DAB2IP: variants seen among roughly 807,000 people sequenced by gnomAD.
DAB2IP encodes the protein DAB2 interacting protein, also known as disabled homolog 2-interacting protein.
DAB2IP carries 28 observed loss-of-function variants against 107.2 expected under a neutral mutation model. The ratio of observed to expected loss-of-function variants is 0.26; its 90% CI spans 0.19 to 0.36. The LOEUF is 0.36. DAB2IP is among the 10% of genes least tolerant of loss of function. The pLI is 1.00. For synonymous variants in DAB2IP, 755 were observed against 706.4 expected (o/e 1.07, Z -1.09); for missense variants, 1,400 against 1,644.7 (o/e 0.85, Z 2.57).
intron 1 of DAB2IP, among the ~76,000 whole-genome samples, chr9:121,674,715 G>A (rs1833820092): frequency 6.6e-6 from 1 of 152,128 alleles, no homozygotes. Flanking sequence ...TCCTGGCCCA[G>A]ACCCAGGAGG....
intron 3 of DAB2IP, chr9:121,751,849 C>A: frequency 1.1e-6 from 1 of 880,598 alleles, no homozygotes; most frequent in Non-Finnish European, 1.4e-6. Flanking sequence ...CATGCCCTGG[C>A]CAAGCTCCTC....
At chr9:121,685,055 C>T (rs527849095) in intron 2 of DAB2IP, among the ~76,000 whole-genome samples, 35 of 152,290 alleles carry the variant, frequency 2.3e-4, no homozygotes, top group African/African-American at 8.4e-4. Context: ...CTTAGTTCTG[C>T]TCTGTGAGTC....
intron 6 of DAB2IP, among the ~76,000 whole-genome samples, chr9:121,762,323 C>A (rs749815034): frequency 3.3e-5 from 5 of 152,162 alleles, no homozygotes; most frequent in African/African-American, 1.2e-4. Flanking sequence ...GCTCTCATTG[C>A]GGGAGTTCAG....
At chr9:121,617,926 C>T (rs1831336008) in intron 1 of DAB2IP, among the ~76,000 whole-genome samples, 1 of 152,206 alleles carries the variant, frequency 6.6e-6, no homozygotes, top group Non-Finnish European at 1.5e-5. Flanking sequence ...TTTTCAACTC[C>T]ATGGCTGGTT....
Position 121,772,221 on chromosome 9 carries a change from G to C in DAB2IP, c.2079-386G>C, listed in dbSNP as rs891268818. Among the ~76,000 whole-genome samples, 42 of 152,214 alleles carry C rather than the reference G, an allele frequency of 2.8e-4. 1 individual carries two copies. The highest frequency in any genetic ancestry group is 5.7e-4 in the Non-Finnish European group (39 of 68,026). ...GGAACCCAGTGACTCTGAAGTTGGGGTTCTCAATGCAGGATCCGTGGATAG... is the reference window on the plus strand; with the variant it reads ...GGAACCCAGTGACTCTGAAGTTGGGCTTCTCAATGCAGGATCCGTGGATAG... On this transcript the variant is annotated intron_variant, in intron 11 of 15. Transcript: ENST00000408936. This position sits in a 1 kb window ranked among gnomAD's most constrained non-coding sequence, Gnocchi z 4.7.
intron 1 of DAB2IP, among the ~76,000 whole-genome samples, chr9:121,646,166 G>T (rs942382053): frequency 6.6e-6 from 1 of 152,190 alleles, no homozygotes; most frequent in Non-Finnish European, 1.5e-5. Flanking sequence ...CAAGCCTGGG[G>T]TCATCTTGTC....
chr9:121,740,140 G>A (rs568629189), intron 3 of DAB2IP, among the ~76,000 whole-genome samples: 2 of 152,302 alleles, frequency 1.3e-5, no homozygotes, highest in Non-Finnish European at 2.9e-5. Flanking sequence ...GGCCCAGGAT[G>A]TTGAGGAGGG....
Position 121,684,907 on chromosome 9 carries a change from A to G in DAB2IP, c.228+6126A>G, listed in dbSNP as rs1828788166. Reference sequence around the variant, plus strand: ...TCAGATGGTCGTTCACTTGGGACATATTTATGTTTGTGGCCCATCAACCAG... The same window carrying G: ...TCAGATGGTCGTTCACTTGGGACATGTTTATGTTTGTGGCCCATCAACCAG... On this transcript the variant is annotated intron_variant, in intron 2 of 15. Coordinates refer to ENST00000408936, the Ensembl canonical transcript of DAB2IP. This position sits in a 1 kb window ranked among gnomAD's most constrained non-coding sequence, Gnocchi z 4.0. Among the ~76,000 whole-genome samples, 1 of 152,084 alleles carries G rather than the reference A, an allele frequency of 6.6e-6. No homozygotes were observed. The highest frequency in any genetic ancestry group is 6.5e-5 in the Admixed American group (1 of 15,278).
upstream of DAB2IP, among the ~76,000 whole-genome samples, chr9:121,647,870 T>G (rs1213138873): frequency 6.7e-6 from 1 of 149,828 alleles, no homozygotes. Context: ...ATACGTATTA[T>G]ATATATATAC....
rs1430789670 is a variant in DAB2IP at position 121,599,457 on chromosome 9, C to G, written c.40+32229C>G. The stretch of plus-strand genomic sequence containing the variant: ...TCCCCGCCCGCGCTGGGTCCCGGGC[C>G]TGGCGGGCGGAGCTGTGGGCGGCTG... On this transcript the variant is annotated intron_variant, in intron 1 of 16. Transcript: ENST00000259371. The surrounding 1 kb of genome is among the most constrained non-coding windows in gnomAD (Gnocchi z 6.9). Among the ~76,000 whole-genome samples the G allele has an allele frequency of 3.3e-5, 5 of 152,048 alleles. No individual in the cohort carries two copies. Among genetic ancestry groups the G allele is most frequent in the African/African-American group, 1.2e-4 (5 of 41,426 alleles).
chr9:121,646,142 G>C (rs574630105), intron 1 of DAB2IP, among the ~76,000 whole-genome samples: 2 of 152,284 alleles, frequency 1.3e-5, no homozygotes, highest in East Asian at 3.9e-4. Flanking sequence ...TGTGTTGAGA[G>C]GGGCAGAGCC....
intron 1 of DAB2IP, among the ~76,000 whole-genome samples, chr9:121,667,512 CA>C (rs1250006303): frequency 6.6e-6 from 1 of 151,708 alleles, no homozygotes; most frequent in East Asian, 2.0e-4. Context: ...TTTTTTTAGA[CA>C]GAGTTTCACT....
At chr9:121,674,981 T>C (rs1226118486) in intron 1 of DAB2IP, among the ~76,000 whole-genome samples, 1 of 151,972 alleles carries the variant, frequency 6.6e-6, no homozygotes, top group Non-Finnish European at 1.5e-5. Context: ...AAGACCCCTG[T>C]GGGGCAGCCT....
intron 1 of DAB2IP, among the ~76,000 whole-genome samples, chr9:121,576,764 G>A (rs1464148453): frequency 6.6e-6 from 1 of 152,094 alleles, no homozygotes; most frequent in Non-Finnish European, 1.5e-5. Context: ...TGGGGGGGGA[G>A]GGGAAACGAT....
chr9:121,728,381 A>G (rs1224795358), intron 3 of DAB2IP, among the ~76,000 whole-genome samples: 1 of 152,344 alleles, frequency 6.6e-6, no homozygotes, highest in East Asian at 1.9e-4. Flanking sequence ...AGCAGACCCC[A>G]GAGGGAGGAG....
At chr9:121,649,599 G>A (rs1330516474), upstream of DAB2IP, among the ~76,000 whole-genome samples, 3 of 152,162 alleles carry the variant, frequency 2.0e-5, no homozygotes, top group Non-Finnish European at 4.4e-5. Flanking sequence ...CGTTGCCCCC[G>A]TCCTGAGTAG....
At chr9:121,578,131 G>A (rs1173644440) in intron 1 of DAB2IP, among the ~76,000 whole-genome samples, 1 of 152,074 alleles carries the variant, frequency 6.6e-6, no homozygotes, top group Non-Finnish European at 1.5e-5. Flanking sequence ...AGGGGTGGCT[G>A]TCCCCCAAAC....
chr9:121,699,276 G>T lies in DAB2IP; in HGVS notation c.229-49G>T. 7.9e-7 allele frequency: 1 copy of T among 1,267,374 alleles called. No individual in the cohort carries two copies. The highest frequency in any genetic ancestry group is 1.7e-5 in the South Asian group (1 of 58,536). 78.5% of individuals were successfully genotyped at this position (1,267,374 alleles called of 1,614,324 possible). ...CCCGCGCGGGTCCCGGCCCGCCGCC[G>T]CCGCGCTAACCCCGCCTCCCCTTCC... On this transcript the variant is annotated intron_variant, in intron 2 of 15. Transcript: ENST00000408936. This position sits in a 1 kb window ranked among gnomAD's most constrained non-coding sequence, Gnocchi z 6.2.
intron 1 of DAB2IP, among the ~76,000 whole-genome samples, chr9:121,672,093 T>C (rs753245611): frequency 3.3e-5 from 5 of 152,246 alleles, no homozygotes; most frequent in Non-Finnish European, 5.9e-5. Context: ...TTCTTTTTAA[T>C]TTCTAGACTG....
Sources: allele counts gnomAD v4.1 joint callset (sites outside exome capture counted in the v4.1 genomes callset), GRCh38; gene constraint gnomAD v4.1.1; non-coding constraint Gnocchi (gnomAD v3.1); transcripts MANE v1.5; gene names NCBI Gene and HGNC (gene_info 2026-07-23, HGNC 2026-07-21).